TNR: variants seen among roughly 807,000 people sequenced by gnomAD.
TNR encodes the protein tenascin-R.
A neutral mutation model predicts 150.4 loss-of-function variants in TNR; 45 were observed. That is an observed-to-expected ratio of 0.30 (90% CI 0.24 to 0.38). The LOEUF is 0.38. TNR is among the 10% of genes least tolerant of loss of function. The pLI is 1.00. For synonymous variants in TNR, 687 were observed against 678.4 expected (o/e 1.01, Z -0.20); for missense variants, 1,544 against 1,759.1 (o/e 0.88, Z 2.19).
At chr1:175,572,579 T>G (rs10913014) in intron 1 of TNR, among the ~76,000 whole-genome samples, 11,650 of 152,090 alleles carry the variant, frequency 0.077, 495 homozygotes, top group Middle Eastern at 0.14. Flanking sequence ...CATCCATCTG[T>G]GGTGTTTGTG....
chr1:175,532,867 C>T (rs1269925014), intron 1 of TNR, among the ~76,000 whole-genome samples: 4 of 152,072 alleles, frequency 2.6e-5, no homozygotes, highest in South Asian at 4.2e-4. Flanking sequence ...CTAGCTTCCC[C>T]GAGAGTGAAC....
intron 1 of TNR, among the ~76,000 whole-genome samples, chr1:175,642,458 C>T (rs1246699693): frequency 1.3e-5 from 2 of 152,228 alleles, no homozygotes; most frequent in East Asian, 3.9e-4. Context: ...TTTTTGTAAG[C>T]AATGAGGAAT....
At chr1:175,689,371 T>G (rs896695251) in intron 1 of TNR, among the ~76,000 whole-genome samples, 1 of 127,494 alleles carries the variant, frequency 7.8e-6, no homozygotes, top group Non-Finnish European at 1.7e-5. Context: ...CTACCCCAGG[T>G]TTTTTTCCCC....
intron 1 of TNR, among the ~76,000 whole-genome samples, chr1:175,557,176 CA>C (rs1466002678): frequency 1.3e-5 from 2 of 152,208 alleles, no homozygotes; most frequent in African/African-American, 4.8e-5. Flanking sequence ...ACACTGGAAG[CA>C]GACCTTTCTC....
At chr1:175,500,093 T>C (rs902283704) in intron 2 of TNR, among the ~76,000 whole-genome samples, 1 of 152,148 alleles carries the variant, frequency 6.6e-6, no homozygotes, top group African/African-American at 2.4e-5. Context: ...TTGAACCAAA[T>C]GGGAACAATA....
chr1:175,678,221 C>T (rs550898726), intron 1 of TNR, among the ~76,000 whole-genome samples: 2 of 152,240 alleles, frequency 1.3e-5, no homozygotes, highest in Non-Finnish European at 2.9e-5. Flanking sequence ...CGTTGAGTAC[C>T]CCATGGAAGG....
chr1:175,441,710 C>T (rs1452612605), intron 2 of TNR, among the ~76,000 whole-genome samples: 9 of 152,208 alleles, frequency 5.9e-5, no homozygotes, highest in African/African-American at 2.2e-4. Flanking sequence ...ATTCATCTAC[C>T]TAGTCCTAAA....
rs1462661148 is a variant in TNR, at chr1:175,389,029, T to C, written c.1507+2259A>G. On this transcript the variant is annotated intron_variant, in intron 7 of 22. Coordinates refer to ENST00000367674, the MANE Select transcript of TNR (RefSeq NM_003285.3). ...CTCCTTTTAGCCTTTTGTCTTTTAC[T>C]AATACTTTCTTAATATCAAATCACA... Among the ~76,000 whole-genome samples the C allele has an allele frequency of 3.3e-5, 5 of 152,358 alleles. No individual in the cohort carries two copies. The East Asian group carries it at 9.6e-4, about 29-fold the overall frequency.
At position 175,581,831 on chromosome 1, in the gene TNR, A is replaced by T. The variant is rs114816902; in HGVS notation, c.-164-53462T>A. On this transcript the variant is annotated intron_variant, in intron 1 of 22. Transcript: ENST00000367674. ...ACTCAGTAACAAGTCAGTATTTCCC[A>T]TTACTAGTATATCTAGAAGCCGACA... Among the ~76,000 whole-genome samples, 1,092 of 152,300 alleles carry T rather than the reference A, an allele frequency of 7.2e-3. 16 individuals carry two copies. The highest frequency in any genetic ancestry group is 0.024 in the African/African-American group (1,002 of 41,564).
At chr1:175,475,725 AAGT>A (rs1336039141) in intron 2 of TNR, among the ~76,000 whole-genome samples, 1 of 152,176 alleles carries the variant, frequency 6.6e-6, no homozygotes, top group Admixed American at 6.5e-5. Flanking sequence ...ATTACTCTTC[AAGT>A]AGAATTAAGA....
At chr1:175,573,365 C>T (rs1661964780) in intron 1 of TNR, among the ~76,000 whole-genome samples, 1 of 152,190 alleles carries the variant, frequency 6.6e-6, no homozygotes, top group African/African-American at 2.4e-5. Context: ...ATGGAGCTAG[C>T]ACTGCAGCAG....
At chr1:175,657,851 A>ATG (rs1450226884) in intron 1 of TNR, among the ~76,000 whole-genome samples, 2 of 100,840 alleles carry the variant, frequency 2.0e-5, no homozygotes, top group South Asian at 3.6e-4. Flanking sequence ...AACATGGAAC[A>ATG]TGTATATATA....
At chr1:175,687,843 G>C (rs1470340976) in intron 1 of TNR, among the ~76,000 whole-genome samples, 3 of 151,820 alleles carry the variant, frequency 2.0e-5, no homozygotes, top group African/African-American at 7.3e-5. Context: ...ATCTTCTGCT[G>C]TTAGCGCCCC....
chr1:175,342,259 A>G (rs929230250), intron 18 of TNR, among the ~76,000 whole-genome samples: 1 of 152,198 alleles, frequency 6.6e-6, no homozygotes, highest in Non-Finnish European at 1.5e-5. Flanking sequence ...CTGGCTGGCA[A>G]GGACAGGGTG....
intron 2 of TNR, among the ~76,000 whole-genome samples, chr1:175,446,628 T>G (rs1488049854): frequency 6.6e-6 from 1 of 152,204 alleles, no homozygotes; most frequent in Non-Finnish European, 1.5e-5. Flanking sequence ...AATTGTTCCT[T>G]TTGTTATCAA....
chr1:175,331,078 C>CTTCTCT (rs1553203472), intron 20 of TNR, among the ~76,000 whole-genome samples: 1 of 59,916 alleles, frequency 1.7e-5, no homozygotes, highest in Non-Finnish European at 3.5e-5. Context: ...TCTTTCTTTC[C>CTTCTCT]TTCTTTCTTT....
In TNR at chr1:175,317,646, ACCT is replaced by A. The variant is rs1184687668; in HGVS notation, c.*5708_*5710del. On this transcript the variant is annotated 3_prime_UTR_variant, in exon 23 of 23. Transcript: ENST00000367674. ...GCTTCTCAGGGAAGATGTTTGCACC[ACCT>A]GACCTGAATCCATGGTGCCAGTGAG... is the stretch of plus-strand genomic sequence containing the variant. 6.6e-6 allele frequency: 1 copy of A among 152,262 alleles called. No individual in the cohort carries two copies. Among genetic ancestry groups the A allele is most frequent in the East Asian group, 1.9e-4 (1 of 5,200 alleles). 9.4% of individuals were successfully genotyped at this position (152,262 alleles called of 1,614,324 possible).
At chr1:175,562,042 G>A (rs1286261555) in intron 1 of TNR, among the ~76,000 whole-genome samples, 1 of 152,208 alleles carries the variant, frequency 6.6e-6, no homozygotes, top group East Asian at 1.9e-4. Flanking sequence ...ACCTGTGGAA[G>A]AAGGATAAGA....
At position 175,319,460 on chromosome 1, in the gene TNR, A is replaced by T. The variant is rs1275914014; in HGVS notation, c.*3897T>A. 1 of 152,134 alleles carries T rather than the reference A, an allele frequency of 6.6e-6. No individual in the cohort carries two copies. Among genetic ancestry groups the T allele is most frequent in the Non-Finnish European group, 1.5e-5 (1 of 68,022 alleles). 9.4% of individuals were successfully genotyped at this position (152,134 alleles called of 1,614,324 possible). A position where few individuals can be genotyped will look rare whatever the true frequency, so the allele number is the denominator to read the frequency against. ...TTTGAAAAGTAAAAATGTGATTAGGATTGTTTGGTTTGGCATTGAGGTTAT... is the reference window on the plus strand; with the variant it reads ...TTTGAAAAGTAAAAATGTGATTAGGTTTGTTTGGTTTGGCATTGAGGTTAT... On this transcript the variant is annotated 3_prime_UTR_variant, in exon 23 of 23. Transcript: ENST00000367674.
Sources: allele counts gnomAD v4.1 joint callset (sites outside exome capture counted in the v4.1 genomes callset), GRCh38; gene constraint gnomAD v4.1.1; transcripts MANE v1.5; gene names NCBI Gene and HGNC (gene_info 2026-07-23, HGNC 2026-07-21).